UXS1: variants seen among roughly 807,000 people sequenced by gnomAD.
The protein encoded by UXS1 is UDP-glucuronic acid decarboxylase 1.
UXS1 carries 33 observed loss-of-function variants against 62.6 expected under a neutral mutation model. The ratio of observed to expected loss-of-function variants is 0.53; its 90% confidence interval spans 0.40 to 0.70. UXS1 has a LOEUF of 0.70. Among genes scored for constraint, UXS1 ranks in the 30% least tolerant of loss-of-function variants. The pLI, the probability that UXS1 is intolerant of heterozygous loss-of-function variation, is 0.00. For synonymous variants in UXS1, 213 were observed against 206.8 expected, an observed-to-expected ratio of 1.03 and a Z score of -0.26; for missense variants, 434 against 556.3, an observed-to-expected ratio of 0.78 and a Z score of 2.21.
chr2:106,178,593 T>C (rs1357083971), intron 1 of UXS1, among the ~76,000 whole-genome samples: 1 of 152,044 alleles, frequency 6.6e-6, no homozygotes, highest in Admixed American at 6.6e-5. Flanking sequence ...TATATGTACA[T>C]GTATGTGTGT....
Position 106,129,658 on chromosome 2 carries a change from G to A in UXS1, c.577+16C>T. The A allele has an allele frequency of 1.3e-6, 2 of 1,589,470 alleles. No homozygotes were observed. The highest frequency in any genetic ancestry group is 1.7e-6 in the Non-Finnish European group (2 of 1,162,708). Reference sequence around the variant, plus strand: ...TTCCCAGCAACAGCCAAAAAAACAAGAAAATGACAACTTACCCAACATGTT... The same window carrying A: ...TTCCCAGCAACAGCCAAAAAAACAAAAAAATGACAACTTACCCAACATGTT... On this transcript the variant is annotated intron_variant, in intron 7 of 14. Coordinates refer to ENST00000283148, the MANE Select transcript of UXS1 (RefSeq NM_001253875.2).
At chr2:106,142,319 C>A (rs1256977267) in intron 6 of UXS1, among the ~76,000 whole-genome samples, 1 of 152,228 alleles carries the variant, frequency 6.6e-6, no homozygotes, top group Non-Finnish European at 1.5e-5. Context: ...TTCAGATTCT[C>A]TTCCATCTCA....
chr2:106,129,364 G>T (rs1223835279), intron 7 of UXS1, among the ~76,000 whole-genome samples: 1 of 152,210 alleles, frequency 6.6e-6, no homozygotes, highest in Admixed American at 6.5e-5. Flanking sequence ...AGGGGAGGGG[G>T]GCAGGCTGGG....
intron 1 of UXS1, among the ~76,000 whole-genome samples, chr2:106,189,187 G>T (rs1368709000): frequency 6.6e-6 from 1 of 151,870 alleles, no homozygotes; most frequent in South Asian, 2.1e-4. Context: ...CATAACTGAA[G>T]AATAAGTGTT....
chr2:106,100,391 T>C (rs181070150), intron 12 of UXS1, among the ~76,000 whole-genome samples: 128 of 152,264 alleles, frequency 8.4e-4, no homozygotes, highest in African/African-American at 2.8e-3. Flanking sequence ...TGTAGAGGCA[T>C]CACACTAGCC....
chr2:106,162,956 A>G (rs1034908276), intron 4 of UXS1, among the ~76,000 whole-genome samples: 5 of 152,156 alleles, frequency 3.3e-5, no homozygotes, highest in Admixed American at 3.3e-4. Flanking sequence ...CAATAAGGGG[A>G]AAAAATCACA....
intron 5 of UXS1, 59 bp downstream of exon 5, chr2:106,157,999 C>T: frequency 7.2e-7 from 1 of 1,395,882 alleles, no homozygotes; most frequent in Non-Finnish European, 9.9e-7. Flanking sequence ...TGAATTATCT[C>T]TCAACGAAAA....
intron 10 of UXS1, among the ~76,000 whole-genome samples, chr2:106,109,182 C>A (rs772295235): frequency 1.3e-5 from 2 of 152,056 alleles, no homozygotes; most frequent in African/African-American, 4.8e-5. Context: ...TCTTTCCCCC[C>A]CGAAAAATCC....
At chr2:106,131,154 T>G (rs1336370214) in intron 6 of UXS1, among the ~76,000 whole-genome samples, 1 of 148,940 alleles carries the variant, frequency 6.7e-6, no homozygotes, top group African/African-American at 2.5e-5. Flanking sequence ...CGGACGCACC[T>G]GGAAAATCGG....
chr2:106,136,562 C>T (rs1169417104), intron 6 of UXS1, among the ~76,000 whole-genome samples: 1 of 33,332 alleles, frequency 3.0e-5, no homozygotes, highest in African/African-American at 1.3e-4. Flanking sequence ...CACATATACA[C>T]CATGGAATAC....
chr2:106,148,761 T>TA (rs1681784764), intron 5 of UXS1, among the ~76,000 whole-genome samples: 1 of 152,240 alleles, frequency 6.6e-6, no homozygotes, highest in African/African-American at 2.4e-5. Context: ...GCTTAGCACT[T>TA]ACAAAGCTCT....
intron 1 of UXS1, among the ~76,000 whole-genome samples, chr2:106,187,912 T>G (rs1194372655): frequency 6.6e-6 from 1 of 152,082 alleles, no homozygotes; most frequent in Non-Finnish European, 1.5e-5. Context: ...AGCTAATTTT[T>G]TGTATTTTTA....
intron 1 of UXS1, among the ~76,000 whole-genome samples, chr2:106,193,829 G>A (rs1254857479): frequency 6.6e-6 from 1 of 151,902 alleles, no homozygotes; most frequent in East Asian, 1.9e-4. Context: ...GGCTCCCAGC[G>A]CGACATGGAC....
rs1041609045 is a variant in UXS1, at chr2:106,172,046, C to A, written c.95-5963G>T. On this transcript the variant is annotated intron_variant, in intron 1 of 14. Transcript: ENST00000283148. Reference sequence around the variant, plus strand: ...CTAAAATCCTTCCTTGCTCCTCCATCCCCCATTCATTCAACAAACTCAGCG... The same window carrying A: ...CTAAAATCCTTCCTTGCTCCTCCATACCCCATTCATTCAACAAACTCAGCG... Among the ~76,000 whole-genome samples, 6 of 147,934 alleles carry A rather than the reference C, an allele frequency of 4.1e-5. No homozygotes were observed. The East Asian group carries it at 7.7e-4, about 19-fold the overall frequency.
chr2:106,149,470 G>A (rs961802756), intron 5 of UXS1, among the ~76,000 whole-genome samples: 3 of 152,146 alleles, frequency 2.0e-5, no homozygotes, highest in Admixed American at 6.5e-5. Context: ...GTGTGTTATC[G>A]TGGAAGTGTG....
chr2:106,107,380 G>A (rs1255198131), intron 10 of UXS1, among the ~76,000 whole-genome samples: 3 of 152,176 alleles, frequency 2.0e-5, no homozygotes, highest in Non-Finnish European at 2.9e-5. Context: ...TCAGAGCAGC[G>A]GTGTCCACTC....
chr2:106,164,875 A>C, intron 2 of UXS1, 76 bp from the exon 3 acceptor site: 1 of 1,038,648 alleles, frequency 9.6e-7, no homozygotes, highest in Non-Finnish European at 1.4e-6. Flanking sequence ...ACATAACCCA[A>C]CGGATGCAGA....
chr2:106,185,887 C>T (rs1304564713), intron 1 of UXS1, among the ~76,000 whole-genome samples: 1 of 152,120 alleles, frequency 6.6e-6, no homozygotes, highest in Non-Finnish European at 1.5e-5. Context: ...AGGAGCATTC[C>T]GAGGGAGCTC....
chr2:106,158,304 T>A (rs1262116144), intron 4 of UXS1, among the ~76,000 whole-genome samples, 186 bp from the exon 5 acceptor site: 3 of 152,222 alleles, frequency 2.0e-5, no homozygotes. Flanking sequence ...CTATATAACC[T>A]GCTCCTTGTT....
Sources: allele counts gnomAD v4.1 joint callset (sites outside exome capture counted in the v4.1 genomes callset), GRCh38; gene constraint gnomAD v4.1.1; transcripts MANE v1.5; gene names NCBI Gene and HGNC (gene_info 2026-07-23, HGNC 2026-07-21).